LOXHD1: variants seen among roughly 807,000 people sequenced by gnomAD.
The protein encoded by LOXHD1 is lipoxygenase homology PLAT domains 1, also known as lipoxygenase homology domain-containing protein 1.
LOXHD1 carries 205 observed loss-of-function variants against 248.2 expected under a neutral mutation model. That is an observed-to-expected ratio of 0.83 (90% CI 0.74 to 0.93). LOXHD1 has a LOEUF of 0.93. LOXHD1 is among the 40% of genes least tolerant of loss of function. The probability of loss-of-function intolerance (pLI) is 0.00; values close to 1 mark genes in which losing one functional copy is unlikely to be tolerated. For synonymous variants in LOXHD1, 1,113 were observed against 1,162.8 expected (o/e 0.96, Z 0.87); for missense variants, 2,930 against 2,971.6 (o/e 0.99, Z 0.33).
intron 11 of LOXHD1, 69 bp downstream of exon 11, chr18:46,592,429 G>GTCA: frequency 7.9e-7 from 1 of 1,270,862 alleles, no homozygotes; most frequent in Non-Finnish European, 1.1e-6. Flanking sequence ...ATGTGACAGG[G>GTCA]TCATTGAAAA....
intron 34 of LOXHD1, among the ~76,000 whole-genome samples, chr18:46,511,618 G>A: frequency 6.6e-6 from 1 of 152,208 alleles, no homozygotes; most frequent in South Asian, 2.1e-4. Context: ...GGCTTAGGCT[G>A]GAAGGACAAC....
At chr18:46,574,688 C>A (rs1460635961) in intron 14 of LOXHD1, among the ~76,000 whole-genome samples, 1 of 151,998 alleles carries the variant, frequency 6.6e-6, no homozygotes, top group Non-Finnish European at 1.5e-5. Context: ...TGTTTGAGGC[C>A]TCCGCTTCTC....
chr18:46,561,894 G>T (rs2037537274), intron 18 of LOXHD1, among the ~76,000 whole-genome samples: 1 of 152,162 alleles, frequency 6.6e-6, no homozygotes, highest in South Asian at 2.1e-4. Flanking sequence ...TGCCAAGGAG[G>T]CCAGCTTGCT....
In LOXHD1 at chr18:46,649,271, TGGA is replaced by T. The variant is rs1298203227; in HGVS notation, c.131-5_131-3del. 16 of 1,550,112 alleles carry T rather than the reference TGGA, an allele frequency of 1.0e-5. No individual in the cohort carries two copies. Among genetic ancestry groups the T allele is most frequent in the Non-Finnish European group, 1.3e-5 (15 of 1,145,738 alleles). ...CCGTGGCTGTGACCACTTCATACAC[TGGA>T]GGAGGAGAGGAGGAGACAGATTGCA... is the stretch of plus-strand genomic sequence containing the variant. On this transcript the variant is annotated splice_polypyrimidine_tract_variant and splice_region_variant and intron_variant, in intron 1 of 40. Coordinates refer to ENST00000642948, the MANE Select transcript of LOXHD1 (RefSeq NM_001384474.1).
intron 6 of LOXHD1, 33 bp downstream of exon 6, chr18:46,610,743 C>A: frequency 6.5e-7 from 1 of 1,532,392 alleles, no homozygotes; most frequent in Non-Finnish European, 8.8e-7. Flanking sequence ...CCTTCCAAGG[C>A]CACAGGGACT....
chr18:46,489,110 C>A lies in LOXHD1; in HGVS notation c.5911G>T (p.Asp1971Tyr), dbSNP rs727504544. 1.0e-5 allele frequency: 16 copies of A among 1,551,540 alleles called. No individual in the cohort carries two copies. The African/African-American group carries it at 2.2e-4, about 21-fold the overall frequency. The change falls in exon 38 of 41, where the codon GAT (aspartate) becomes TAT (tyrosine). Residue 1971 changes from aspartate (D) to tyrosine (Y), a missense_variant. Physicochemically the swap from Asp to Tyr is radical, Grantham distance 160. Transcript: ENST00000642948. ...TCGTCGCGGGAGTTGTCCTTCACAT[C>A]GACATAGCTCAGATGCCAGCCAGGA... ...IFPGWHLSYVDVKDNSRDETF... is the reference protein window; with the variant it reads ...IFPGWHLSYVYVKDNSRDETF...
At chr18:46,517,594 AC>A (rs546280341) in intron 34 of LOXHD1, among the ~76,000 whole-genome samples, 22 of 151,748 alleles carry the variant, frequency 1.4e-4, no homozygotes, top group Non-Finnish European at 2.8e-4. Flanking sequence ...AAGTACAAGG[AC>A]CCTTGTCTTC....
At chr18:46,524,211 T>C (rs2035715282) in intron 31 of LOXHD1, among the ~76,000 whole-genome samples, 1 of 152,184 alleles carries the variant, frequency 6.6e-6, no homozygotes, top group Non-Finnish European at 1.5e-5. Flanking sequence ...TAGTGACAGG[T>C]AAGGGATGTT....
At position 46,593,779 on chromosome 18, in the gene LOXHD1, T is replaced by C. The variant is rs1361176868; in HGVS notation, c.1271-19A>G. 1 of 1,551,132 alleles carries C rather than the reference T, an allele frequency of 6.4e-7. No individual in the cohort carries two copies. Among genetic ancestry groups the C allele is most frequent in the African/African-American group, 1.4e-5 (1 of 73,098 alleles). On this transcript the variant is annotated intron_variant, in intron 9 of 40. Coordinates refer to ENST00000642948, the MANE Select transcript of LOXHD1 (RefSeq NM_001384474.1). ...GGGAATTCTGTAAGACAGATCAAGT[T>C]GCACCATAAACTTCAGGAAGTGAAG... is the stretch of plus-strand genomic sequence containing the variant.
intron 40 of LOXHD1, among the ~76,000 whole-genome samples, chr18:46,481,562 A>G (rs2032571707): frequency 6.6e-6 from 1 of 152,190 alleles, no homozygotes. Flanking sequence ...GTTGATGGGT[A>G]ACTGCTGGAG....
At chr18:46,642,842 C>T (rs1350827295) in intron 2 of LOXHD1, among the ~76,000 whole-genome samples, 2 of 152,258 alleles carry the variant, frequency 1.3e-5, no homozygotes, top group East Asian at 3.9e-4. Context: ...TGAGCCCCGG[C>T]CTGCCAGCAG....
rs1221813908 is a variant in LOXHD1 at position 46,533,282 on chromosome 18, T to G, written c.4255A>C (p.Thr1419Pro). The change falls in exon 28 of 41, where the codon ACC becomes CCC. Residue 1419 changes from threonine (T) to proline (P), a missense_variant. Coordinates refer to ENST00000642948, the MANE Select transcript of LOXHD1 (RefSeq NM_001384474.1). ...LTFPCDRWLATSEDDKKTIRE... is the reference protein window; with the variant it reads ...LTFPCDRWLAPSEDDKKTIRE... ...ATGGTCTTTTTGTCATCCTCAGAGG[T>G]GGCAAGCCACCGATCGCATGGGAAA... 1 of 1,551,772 alleles carries G rather than the reference T, an allele frequency of 6.4e-7. No individual in the cohort carries two copies. The highest frequency in any genetic ancestry group is 2.4e-5 in the East Asian group (1 of 40,910).
intron 8 of LOXHD1, among the ~76,000 whole-genome samples, chr18:46,595,936 C>T (rs1260135041): frequency 2.0e-5 from 3 of 152,218 alleles, no homozygotes; most frequent in African/African-American, 7.2e-5. Context: ...TGTTTTCTCA[C>T]CCCATGGGTT....
chr18:46,543,897 T>C (rs1015289518), intron 23 of LOXHD1, among the ~76,000 whole-genome samples: 1 of 152,188 alleles, frequency 6.6e-6, no homozygotes, highest in Non-Finnish European at 1.5e-5. Flanking sequence ...GGATGGGACA[T>C]GTGAGAATCT....
chr18:46,579,869 T>C, intron 12 of LOXHD1, 85 bp from the exon 13 acceptor site: 1 of 1,447,434 alleles, frequency 6.9e-7, no homozygotes, highest in Non-Finnish European at 9.3e-7. Flanking sequence ...TAAGCTCTGA[T>C]TCCTCCTCTC....
chr18:46,584,152 G>T (rs1425198229), intron 12 of LOXHD1, among the ~76,000 whole-genome samples: 1 of 152,044 alleles, frequency 6.6e-6, no homozygotes, highest in Non-Finnish European at 1.5e-5. Context: ...AAAAAAGAGA[G>T]AGAGAGATAA....
intron 16 of LOXHD1, 112 bp from the exon 17 acceptor site, chr18:46,566,561 C>T: frequency 2.2e-6 from 2 of 916,346 alleles, no homozygotes; most frequent in Admixed American, 4.3e-5. Flanking sequence ...TCTCCAGTCC[C>T]CAGGAGAGGG....
At chr18:46,566,483 C>T (rs1485261771) in intron 16 of LOXHD1, 34 bp from the exon 17 acceptor site, 1 of 1,535,236 alleles carries the variant, frequency 6.5e-7, no homozygotes, top group Non-Finnish European at 8.8e-7. Context: ...GAGCAAGGAG[C>T]CAGTGTGTAG....
chr18:46,505,783 C>T (rs1463823907), intron 37 of LOXHD1, 55 bp downstream of exon 37: 1 of 1,537,508 alleles, frequency 6.5e-7, no homozygotes, highest in Admixed American at 2.0e-5. Flanking sequence ...AATAATGGCT[C>T]AGGAAGGGAG....
Sources: gnomAD v4.1 joint callset for allele counts (sites outside exome capture counted in the v4.1 genomes callset) on GRCh38, gnomAD v4.1.1 for gene constraint, MANE v1.5 for transcripts, NCBI Gene and HGNC (gene_info 2026-07-23, HGNC 2026-07-21) for gene names.